The following ASB7 variants were observed in gnomAD, a reference collection of about 807,000 sequenced individuals.
ASB7 encodes ankyrin repeat and SOCS box protein 7.
ASB7 carries 4 observed loss-of-function variants against 32.5 expected under a neutral mutation model. The observed-to-expected ratio is 0.12, with a 90% CI of 0.06 to 0.28. The LOEUF (loss-of-function observed/expected upper bound fraction) is 0.28. ASB7 is among the 10% of genes least tolerant of loss of function. The probability of loss-of-function intolerance (pLI) is 1.00; values close to 1 mark genes in which losing one functional copy is unlikely to be tolerated. For missense variants in ASB7, 181 were observed against 407.1 expected (o/e 0.44, Z 4.78); for synonymous variants, 172 against 155.6 (o/e 1.11, Z -0.78).
intron 4 of ASB7, among the ~76,000 whole-genome samples, chr15:100,618,530 G>A (rs1332312141): frequency 6.6e-6 from 1 of 152,110 alleles, no homozygotes; most frequent in African/African-American, 2.4e-5. Flanking sequence ...ATCCCAATAG[G>A]GAACAGTGAG....
rs1352006253 is a variant in ASB7, at chr15:100,634,870, G to A, written c.817+4828G>A. Among the ~76,000 whole-genome samples, 4 of 152,288 alleles carry A rather than the reference G, an allele frequency of 2.6e-5. No homozygotes were observed. The East Asian group carries it at 7.7e-4, about 29-fold the overall frequency. ...TGTGCAAATGGTATGGAAATTGGGG[G>A]AAACTTTCAGTAACACAGTCCAGTG... On this transcript the variant is annotated intron_variant, in intron 5 of 5. Transcript: ENST00000332783.
chr15:100,639,416 G>T (rs1160184458), intron 5 of ASB7, among the ~76,000 whole-genome samples: 1 of 152,134 alleles, frequency 6.6e-6, no homozygotes, highest in Non-Finnish European at 1.5e-5. Context: ...CTTAAATAAG[G>T]AGTAAGAAAG....
At chr15:100,621,352 T>A (rs1208460696) in intron 4 of ASB7, among the ~76,000 whole-genome samples, 1 of 152,204 alleles carries the variant, frequency 6.6e-6, no homozygotes, top group Non-Finnish European at 1.5e-5. Flanking sequence ...CTACCTTTCA[T>A]TGTATATAAT....
intron 4 of ASB7, among the ~76,000 whole-genome samples, chr15:100,624,547 T>G (rs972859211): frequency 6.6e-6 from 1 of 152,140 alleles, no homozygotes; most frequent in African/African-American, 2.4e-5. Flanking sequence ...TTAGGAAAAA[T>G]GGACAGATTT....
chr15:100,608,052 C>T (rs2039662601), intron 2 of ASB7, among the ~76,000 whole-genome samples: 1 of 152,164 alleles, frequency 6.6e-6, no homozygotes, highest in Non-Finnish European at 1.5e-5. Flanking sequence ...GTCATGTTTA[C>T]TTCTTATGGG....
Position 100,629,630 on chromosome 15 carries a change from C to G in ASB7, c.405C>G (p.Leu135=), listed in dbSNP as rs767953119. ...AHYGRDSFVR[L]LLEFKAEVDP... is the part of the protein sequence containing the mutation. ...ACGGCAGGGACTCATTTGTCCGGCT[C>G]CTCCTGGAGTTCAAGGCTGAGGTTG... Residue 135 remains leucine, a synonymous_variant, in exon 5 of 6, where the codon CTC becomes CTG. Transcript: ENST00000332783. The surrounding 1 kb of genome is among the most constrained non-coding windows in gnomAD (Gnocchi z 6.8). 6.2e-7 allele frequency: 1 copy of G among 1,614,058 alleles called. No homozygotes were observed. The highest frequency in any genetic ancestry group is 1.3e-5 in the African/African-American group (1 of 74,922).
In ASB7 at chr15:100,648,390, A is replaced by T. The variant is rs919161674; in HGVS notation, c.885A>T (p.Leu295=). 6.2e-7 allele frequency: 1 copy of T among 1,610,894 alleles called. No individual in the cohort carries two copies. The highest frequency in any genetic ancestry group is 2.2e-5 in the East Asian group (1 of 44,844). The change falls in exon 6 of 6, where the codon CTA becomes CTT. Residue 295 remains leucine, a synonymous_variant. Transcript: ENST00000332783. ...GACAATGTATAGGCCTTCAAAACCT[A>T]AAGCTACTTGATGAACTACCAATTG... ...KIRQCIGLQN[L]KLLDELPIAK...
rs768112837 is a variant in ASB7, at chr15:100,629,510, C to T, written c.285C>T (p.Arg95=). The change falls in exon 5 of 6, where the codon CGC becomes CGT. Residue 95 remains arginine, a synonymous_variant. Transcript: ENST00000332783. The surrounding 1 kb of genome is among the most constrained non-coding windows in gnomAD (Gnocchi z 6.8). ...ATGCAGCCATGCATGGCCGGGCCCG[C>T]ATTGCACGCTTGATGTTAGAATCTG... ...LHYAAMHGRA[R]IARLMLESEY... The T allele has an allele frequency of 6.2e-7, 1 of 1,614,064 alleles. No homozygotes were observed. The highest frequency in any genetic ancestry group is 8.5e-7 in the Non-Finnish European group (1 of 1,179,896).
At chr15:100,620,106 A>G (rs1260493641) in intron 4 of ASB7, among the ~76,000 whole-genome samples, 1 of 152,186 alleles carries the variant, frequency 6.6e-6, no homozygotes, top group Admixed American at 6.5e-5. Context: ...GATTGGTTCC[A>G]GAGCTACCCC....
intron 4 of ASB7, among the ~76,000 whole-genome samples, chr15:100,622,054 A>G (rs2039796925): frequency 6.6e-6 from 1 of 152,152 alleles, no homozygotes; most frequent in Non-Finnish European, 1.5e-5. Context: ...AAACCTAAAG[A>G]CTTTACCCAA....
chr15:100,613,564 C>G (rs1297692089), intron 4 of ASB7, among the ~76,000 whole-genome samples: 1 of 152,208 alleles, frequency 6.6e-6, no homozygotes, highest in Non-Finnish European at 1.5e-5. Context: ...ACAAAAACTT[C>G]AGTTCTGAAG....
chr15:100,605,396 C>T (rs1304774941), intron 2 of ASB7, among the ~76,000 whole-genome samples: 1 of 152,150 alleles, frequency 6.6e-6, no homozygotes, highest in Non-Finnish European at 1.5e-5. Flanking sequence ...GATTTATAAT[C>T]ACGTAGGGAG....
At chr15:100,627,532 C>T (rs2039849750) in intron 4 of ASB7, among the ~76,000 whole-genome samples, 1 of 152,162 alleles carries the variant, frequency 6.6e-6, no homozygotes, top group South Asian at 2.1e-4. Context: ...TTAACAGAGA[C>T]TATGCAGGTC....
At position 100,603,300 on chromosome 15, in the gene ASB7, C is replaced by T. The variant is rs561325138; in HGVS notation, c.-187C>T. ...CAGAAGGCACAGTGCCTCTGACCAG[C>T]ATCGTCTGTAAAGGTAATGAGCCAG... On this transcript the variant is annotated 5_prime_UTR_variant, in exon 2 of 6. Coordinates refer to ENST00000332783, the MANE Select transcript of ASB7 (RefSeq NM_198243.3). 2 of 296,358 alleles carry T rather than the reference C, an allele frequency of 6.7e-6. No individual in the cohort carries two copies. The highest frequency in any genetic ancestry group is 3.3e-4 in the South Asian group (2 of 6,130). The allele number at this position is 296,358 out of a possible 1,614,324, so 18.4% of individuals were successfully genotyped here.
At chr15:100,645,457 A>G (rs890926631) in intron 5 of ASB7, 3 of 467,824 alleles carry the variant, frequency 6.4e-6, no homozygotes, top group African/African-American at 5.9e-5. Context: ...AATACAGTTT[A>G]TTATCTGCTC....
intron 5 of ASB7, among the ~76,000 whole-genome samples, chr15:100,644,193 A>G (rs188021554): frequency 6.6e-6 from 1 of 152,344 alleles, no homozygotes; most frequent in East Asian, 1.9e-4. Context: ...GGTTGCAGTG[A>G]ATTGAGATTG....
intron 4 of ASB7, 93 bp downstream of exon 4, chr15:100,612,520 C>T (rs2039706026): frequency 1.7e-6 from 2 of 1,187,820 alleles, no homozygotes; most frequent in African/African-American, 1.5e-5. Context: ...TAATGCTTCT[C>T]TTCTGTTAAT....
chr15:100,605,042 C>G (rs549132358), intron 2 of ASB7, among the ~76,000 whole-genome samples: 1 of 152,268 alleles, frequency 6.6e-6, no homozygotes, highest in Admixed American at 6.5e-5. Flanking sequence ...TGTGGCTAGT[C>G]CAGCACATAA....
At chr15:100,622,531 G>A (rs1389040528) in intron 4 of ASB7, among the ~76,000 whole-genome samples, 2 of 152,170 alleles carry the variant, frequency 1.3e-5, no homozygotes, top group Non-Finnish European at 2.9e-5. Context: ...AAAGCTGGAG[G>A]CATCACACTA....
Sources: gnomAD v4.1 joint callset for allele counts (sites outside exome capture counted in the v4.1 genomes callset) on GRCh38, gnomAD v4.1.1 for gene constraint, Gnocchi (gnomAD v3.1) non-coding constraint, MANE v1.5 for transcripts, NCBI Gene and HGNC (gene_info 2026-07-23, HGNC 2026-07-21) for gene names.